Variants in SLC1A3 observed in about 807,000 individuals in gnomAD.
SLC1A3 encodes excitatory amino acid transporter 1.
In SLC1A3, 21 loss-of-function variants were observed where a neutral mutation model predicts 48.1. The observed-to-expected ratio is 0.44, with a 90% confidence interval of 0.31 to 0.63. SLC1A3 has a LOEUF of 0.63. Ranked by LOEUF, SLC1A3 falls within the 20% of genes least tolerant of loss-of-function variation. The probability of loss-of-function intolerance (pLI) is 0.08; values close to 1 mark genes in which losing one functional copy is unlikely to be tolerated. For missense variants in SLC1A3, 546 were observed against 689.0 expected (o/e 0.79, Z 2.32); for synonymous variants, 239 against 251.4 (o/e 0.95, Z 0.47).
chr5:36,670,526 A>G (rs1008823049), intron 3 of SLC1A3, among the ~76,000 whole-genome samples: 2 of 152,240 alleles, frequency 1.3e-5, no homozygotes, highest in Non-Finnish European at 2.9e-5. Flanking sequence ...TCCCAAATAC[A>G]TATATAAAAT....
intron 3 of SLC1A3, among the ~76,000 whole-genome samples, chr5:36,637,156 C>G (rs1373209251): frequency 6.6e-6 from 1 of 152,170 alleles, no homozygotes; most frequent in South Asian, 2.1e-4. Context: ...CAGAGCTGAT[C>G]CTGGTGCTCC....
intron 1 of SLC1A3, among the ~76,000 whole-genome samples, chr5:36,599,508 C>T (rs371999168): frequency 2.2e-4 from 17 of 78,278 alleles, no homozygotes; most frequent in East Asian, 1.5e-3. Flanking sequence ...TACGGTTGAA[C>T]TTTTTTTTTT....
In SLC1A3 at chr5:36,679,782, T is replaced by C; in HGVS notation, c.1016T>C (p.Leu339Ser). The C allele has an allele frequency of 6.2e-7, 1 of 1,614,180 alleles. No homozygotes were observed. The highest frequency in any genetic ancestry group is 8.5e-7 in the Non-Finnish European group (1 of 1,180,038). ...AVIVLPLLYF[L>S]VTRKNPWVFI... ...ATCGTCTTGCCACTCCTCTACTTCT[T>C]GGTAACACGGAAAAACCCTTGGGTT... The change falls in exon 7 of 10, where the codon TTG (leucine) becomes TCG (serine). Residue 339 changes from leucine to serine, a missense_variant. Leu to Ser is a moderately radical substitution (Grantham distance 145, BLOSUM62 -2). Coordinates refer to ENST00000265113, the MANE Select transcript of SLC1A3 (RefSeq NM_004172.5).
intron 2 of SLC1A3, among the ~76,000 whole-genome samples, chr5:36,620,190 G>A (rs1434081768): frequency 6.6e-6 from 1 of 152,062 alleles, no homozygotes; most frequent in Non-Finnish European, 1.5e-5. Context: ...GATATTAAAC[G>A]CTACAGGTTT....
At chr5:36,638,100 G>T (rs1740466216) in intron 3 of SLC1A3, among the ~76,000 whole-genome samples, 1 of 152,050 alleles carries the variant, frequency 6.6e-6, no homozygotes, top group Non-Finnish European at 1.5e-5. Context: ...GCCTTCCCTG[G>T]CTTTCCCCTG....
In SLC1A3 at chr5:36,640,601, G is replaced by A. The variant is rs1740576357; in HGVS notation, c.319+11014G>A. Among the ~76,000 whole-genome samples, 2 of 152,174 alleles carry A rather than the reference G, an allele frequency of 1.3e-5. 1 individual carries two copies. Among genetic ancestry groups the A allele is most frequent in the African/African-American group, 4.8e-5 (2 of 41,434 alleles). The stretch of plus-strand genomic sequence containing the variant: ...ATTGGATTAAGAGTGGCCAGTAGCT[G>A]AGTTTTGTGATTCTGAGGATAAGTA... On this transcript the variant is annotated intron_variant, in intron 3 of 9. Transcript: ENST00000265113.
intron 6 of SLC1A3, 89 bp from the exon 7 acceptor site, chr5:36,679,538 C>A: frequency 1.1e-6 from 1 of 947,044 alleles, no homozygotes. Flanking sequence ...AGTCAACTCT[C>A]TTTTCCCTTT....
intron 3 of SLC1A3, among the ~76,000 whole-genome samples, chr5:36,660,882 T>A (rs1489364107): frequency 6.6e-6 from 1 of 152,220 alleles, no homozygotes; most frequent in Non-Finnish European, 1.5e-5. Flanking sequence ...TTTTTCTCCA[T>A]CCCATCTTCC....
At chr5:36,644,642 C>T (rs1488042513) in intron 3 of SLC1A3, among the ~76,000 whole-genome samples, 1 of 152,090 alleles carries the variant, frequency 6.6e-6, no homozygotes, top group African/African-American at 2.4e-5. Flanking sequence ...AATGTCAATT[C>T]TTTTGAGTGG....
intron 3 of SLC1A3, among the ~76,000 whole-genome samples, chr5:36,663,239 G>A (rs1430528128): frequency 6.6e-6 from 1 of 151,696 alleles, no homozygotes; most frequent in Non-Finnish European, 1.5e-5. Flanking sequence ...TTTTAGAGAC[G>A]GAGTCTCGCT....
Position 36,680,781 on chromosome 5 carries a change from G to T in SLC1A3, c.1289+192G>T, listed in dbSNP as rs534252145. ...AAAATACAAAAATTAGCCAGGCCTG[G>T]TGGCACGGGCCTGTGGTCCCAGCTA... is the stretch of plus-strand genomic sequence containing the variant. On this transcript the variant is annotated intron_variant, in intron 8 of 9. Coordinates refer to ENST00000265113, the MANE Select transcript of SLC1A3 (RefSeq NM_004172.5). 1.9e-4 allele frequency among the ~76,000 whole-genome samples: 29 copies of T among 152,240 alleles called. 1 individual carries two copies. In the East Asian group the frequency reaches 5.4e-3, roughly 28 times the overall value.
chr5:36,671,262 G>T lies in SLC1A3; in HGVS notation c.524+29G>T, dbSNP rs1269919902. 3 of 1,552,762 alleles carry T rather than the reference G, an allele frequency of 1.9e-6. No homozygotes were observed. In the South Asian group the frequency reaches 3.4e-5, roughly 18 times the overall value. On this transcript the variant is annotated intron_variant, in intron 4 of 9. Coordinates refer to ENST00000265113, the MANE Select transcript of SLC1A3 (RefSeq NM_004172.5). Reference sequence around the variant, plus strand: ...TGTCCTTGCAAGCCCGTCCTTTGGGGTGTATTTTCGCCATCCAGACCCTCT... The same window carrying T: ...TGTCCTTGCAAGCCCGTCCTTTGGGTTGTATTTTCGCCATCCAGACCCTCT...
chr5:36,644,543 AC>A (rs1740759771), intron 3 of SLC1A3, among the ~76,000 whole-genome samples: 1 of 152,198 alleles, frequency 6.6e-6, no homozygotes, highest in Admixed American at 6.5e-5. Context: ...ATTGAACTGT[AC>A]CTCTAAAAAT....
chr5:36,624,625 A>G (rs948783643), intron 2 of SLC1A3, among the ~76,000 whole-genome samples: 1 of 152,244 alleles, frequency 6.6e-6, no homozygotes, highest in African/African-American at 2.4e-5. Context: ...GTCAATGACT[A>G]GGAGCTGTTG....
intron 8 of SLC1A3, among the ~76,000 whole-genome samples, chr5:36,682,673 T>G (rs1429005288): frequency 6.6e-6 from 1 of 152,232 alleles, no homozygotes; most frequent in East Asian, 1.9e-4. Context: ...TCTAGGGTAT[T>G]ATCATTATCC....
chr5:36,602,409 C>T (rs914041180), upstream of SLC1A3, among the ~76,000 whole-genome samples: 3 of 152,186 alleles, frequency 2.0e-5, no homozygotes, highest in African/African-American at 4.8e-5. Context: ...ACTTAAAAAA[C>T]TATAAAGCCC....
Position 36,683,957 on chromosome 5 carries a change from C to T in SLC1A3, c.1383C>T (p.Pro461=). The stretch of plus-strand genomic sequence containing the variant: ...TTGTGCTGACATCTGTCGGCCTGCC[C>T]ACTGACGACATCACGCTCATCATCG... ...MVIVLTSVGL[P]TDDITLIIAV... is the part of the protein sequence containing the mutation. Residue 461 remains proline (P), a synonymous_variant, in exon 9 of 10, where the codon CCC becomes CCT. Coordinates refer to ENST00000265113, the MANE Select transcript of SLC1A3 (RefSeq NM_004172.5). 1 of 1,614,188 alleles carries T rather than the reference C, an allele frequency of 6.2e-7. No individual in the cohort carries two copies. Among genetic ancestry groups the T allele is most frequent in the South Asian group, 1.1e-5 (1 of 91,072 alleles).
chr5:36,637,493 C>T (rs557068102), intron 3 of SLC1A3, among the ~76,000 whole-genome samples: 26 of 152,088 alleles, frequency 1.7e-4, no homozygotes, highest in Admixed American at 3.9e-4. Flanking sequence ...GATCAGTTCT[C>T]GTTTGGAAGA....
chr5:36,617,022 C>T (rs771390732), intron 2 of SLC1A3, among the ~76,000 whole-genome samples: 3 of 152,180 alleles, frequency 2.0e-5, no homozygotes, highest in Admixed American at 6.5e-5. Flanking sequence ...GTGCTTTCCA[C>T]GAGACGATGG....
Sources: gnomAD v4.1 joint callset for allele counts (sites outside exome capture counted in the v4.1 genomes callset) on GRCh38, gnomAD v4.1.1 for gene constraint, MANE v1.5 for transcripts, NCBI Gene and HGNC (gene_info 2026-07-23, HGNC 2026-07-21) for gene names.